The following ARHGEF10 variants were observed in gnomAD, a reference collection of about 807,000 sequenced individuals.
ARHGEF10 encodes Rho guanine nucleotide exchange factor 10.
ARHGEF10 carries 140 observed loss-of-function variants against 147.4 expected under a neutral mutation model. The observed-to-expected ratio is 0.95, with a 90% CI of 0.83 to 1.09. The LOEUF is 1.09. Ranked by LOEUF, ARHGEF10 falls within the 50% of genes least tolerant of loss-of-function variation. The pLI, the probability that ARHGEF10 is intolerant of heterozygous loss-of-function variation, is 0.00. For synonymous variants in ARHGEF10, 902 were observed against 695.8 expected, an observed-to-expected ratio of 1.30 and a Z score of -4.67; for missense variants, 2,222 against 1,752.7, an observed-to-expected ratio of 1.27 and a Z score of -4.78.
chr8:1,923,813 G>A lies in ARHGEF10; in HGVS notation c.2427G>A (p.Thr809=), dbSNP rs533238205. The A allele has an allele frequency of 1.9e-6, 3 of 1,614,014 alleles. No homozygotes were observed. Among genetic ancestry groups the A allele is most frequent in the East Asian group, 2.2e-5 (1 of 44,890 alleles). Residue 809 remains threonine (T), a synonymous_variant, in exon 21 of 29, where the codon ACG becomes ACA. Transcript: ENST00000349830. ...CGTTCTTTACAGCTGTGTTCAATAC[G>A]TTCACCCCTGCCATCAAGGAGTCCT... ...RPTFFTAVFN[T]FTPAIKESWV...
chr8:1,934,899 GA>G lies in ARHGEF10; in HGVS notation c.3222+964del, dbSNP rs369771650. ...CAAATATTTATGGAGGAAAAATTGG[GA>G]AAAAAATTCCTGTATATATGACTAA... On this transcript the variant is annotated intron_variant, in intron 26 of 28. Coordinates refer to ENST00000349830, the MANE Select transcript of ARHGEF10 (RefSeq NM_014629.4). 1.6e-3 allele frequency among the ~76,000 whole-genome samples: 246 copies of G among 151,844 alleles called. 1 individual carries two copies. Among genetic ancestry groups the G allele is most frequent in the African/African-American group, 5.6e-3 (231 of 41,426 alleles).
rs746880011 is a variant in ARHGEF10, at chr8:1,858,026, G to C, written c.104G>C (p.Ser35Thr). The change falls in exon 3 of 29, where the codon AGT becomes ACT. Residue 35 changes from serine (S) to threonine (T), a missense_variant. Coordinates refer to ENST00000349830, the MANE Select transcript of ARHGEF10 (RefSeq NM_014629.4). Reference protein sequence around the residue: ...EEEGEQFDFDSGDEIPEADRQ... With the variant: ...EEEGEQFDFDTGDEIPEADRQ... ...GAGGGAGAACAGTTCGATTTTGACA[G>C]TGGAGATGAAATCCCAGAAGCGGAC... 6.2e-7 allele frequency: 1 copy of C among 1,614,138 alleles called. No homozygotes were observed. Among genetic ancestry groups the C allele is most frequent in the South Asian group, 1.1e-5 (1 of 91,080 alleles).
intron 2 of ARHGEF10, among the ~76,000 whole-genome samples, chr8:1,856,248 A>G (rs547768017): frequency 5.3e-5 from 8 of 152,174 alleles, no homozygotes; most frequent in Non-Finnish European, 8.8e-5. Flanking sequence ...TCTTGATTCA[A>G]TTTTAGTATT....
chr8:1,886,616 A>G lies in ARHGEF10; in HGVS notation c.1182+909A>G, dbSNP rs192438918. Among the ~76,000 whole-genome samples, 86 of 152,356 alleles carry G rather than the reference A, an allele frequency of 5.6e-4. 1 individual carries two copies. The highest frequency in any genetic ancestry group is 1.8e-4 in the Non-Finnish European group (12 of 68,030). Reference sequence around the variant, plus strand: ...TCAGCAGCATCACACGAGTGACGGGATGGAGTGTCAACAGAGCTTGGAGAC... The same window carrying G: ...TCAGCAGCATCACACGAGTGACGGGGTGGAGTGTCAACAGAGCTTGGAGAC... On this transcript the variant is annotated intron_variant, in intron 11 of 28. Coordinates refer to ENST00000349830, the MANE Select transcript of ARHGEF10 (RefSeq NM_014629.4).
rs765093628 is a variant in ARHGEF10, at chr8:1,826,155, T to C, written c.-48+2042T>C. ...TCAGCAGTAAGAAAAGTCATTTGTA[T>C]AAGGTGCTATTTGTAATTCATTAGT... On this transcript the variant is annotated intron_variant, in intron 1 of 28. Coordinates refer to ENST00000349830, the MANE Select transcript of ARHGEF10 (RefSeq NM_014629.4). The C allele has an allele frequency of 6.3e-6, 10 of 1,585,722 alleles. No homozygotes were observed. The East Asian group carries it at 2.2e-4, about 35-fold the overall frequency.
intron 27 of ARHGEF10, among the ~76,000 whole-genome samples, chr8:1,951,776 G>A (rs1015187934): frequency 1.3e-5 from 2 of 152,224 alleles, no homozygotes; most frequent in African/African-American, 2.4e-5. Context: ...TGTGAAGGCC[G>A]CGATGCTGAC....
intron 1 of ARHGEF10, among the ~76,000 whole-genome samples, chr8:1,829,448 C>G (rs922712262): frequency 6.6e-6 from 1 of 152,206 alleles, no homozygotes. Flanking sequence ...CTGACCCTGG[C>G]CAGCCTGCTT....
chr8:1,895,131 A>G (rs1809868215), intron 13 of ARHGEF10, among the ~76,000 whole-genome samples: 1 of 152,216 alleles, frequency 6.6e-6, no homozygotes, highest in South Asian at 2.1e-4. Context: ...ATGATGTTGC[A>G]ACAGCTTGCC....
Position 1,836,195 on chromosome 8 carries a change from G to GAA in ARHGEF10, c.-47-7148_-47-7147dup, listed in dbSNP as rs1367505140. Among the ~76,000 whole-genome samples the GAA allele has an allele frequency of 5.2e-5, 7 of 133,336 alleles. No homozygotes were observed. The East Asian group carries it at 1.1e-3, about 21-fold the overall frequency. 87.5% of individuals were successfully genotyped at this position (133,336 alleles called of 152,430 possible). A position where few individuals can be genotyped will look rare whatever the true frequency, so the allele number is the denominator to read the frequency against. On this transcript the variant is annotated intron_variant, in intron 1 of 28. Coordinates refer to ENST00000349830, the MANE Select transcript of ARHGEF10 (RefSeq NM_014629.4). ...GACTCTGCCATGGAAAAAAAAAAAA[G>GAA]AAAAAAAAAAACACAATCCAAATGC...
intron 26 of ARHGEF10, among the ~76,000 whole-genome samples, chr8:1,945,013 G>T (rs181283713): frequency 6.6e-6 from 1 of 152,370 alleles, no homozygotes; most frequent in East Asian, 1.9e-4. Flanking sequence ...AAGTTGCTTG[G>T]AGAAGCAGAA....
At chr8:1,873,958 C>G (rs1275432673) in intron 7 of ARHGEF10, among the ~76,000 whole-genome samples, 2 of 152,136 alleles carry the variant, frequency 1.3e-5, no homozygotes, top group Non-Finnish European at 2.9e-5. Flanking sequence ...ACTGTACAGC[C>G]AATGCCTCCA....
intron 10 of ARHGEF10, among the ~76,000 whole-genome samples, chr8:1,884,252 TGG>T (rs1808461710): frequency 1.3e-5 from 2 of 151,802 alleles, no homozygotes; most frequent in Non-Finnish European, 2.9e-5. Flanking sequence ...AAAAATTAGC[TGG>T]GCGTGGTGGC....
Position 1,843,254 on chromosome 8 carries a change from C to G in ARHGEF10, c.-47-99C>G, listed in dbSNP as rs1020547262. On this transcript the variant is annotated intron_variant, in intron 1 of 28. Coordinates refer to ENST00000349830, the MANE Select transcript of ARHGEF10 (RefSeq NM_014629.4). Reference sequence around the variant, plus strand: ...AATTATGGCTAGTAATGACAGTTAGCTCTTCCTTTTTGCGGGGTTCTCTGT... The same window carrying G: ...AATTATGGCTAGTAATGACAGTTAGGTCTTCCTTTTTGCGGGGTTCTCTGT... 2.1e-5 allele frequency: 17 copies of G among 828,490 alleles called. No individual in the cohort carries two copies. The African/African-American group carries it at 2.7e-4, about 13-fold the overall frequency. The allele number at this position is 828,490 out of a possible 1,614,324, so 51.3% of individuals were successfully genotyped here.
chr8:1,929,484 T>C, intron 25 of ARHGEF10, 41 bp downstream of exon 25: 2 of 1,574,522 alleles, frequency 1.3e-6, no homozygotes, highest in Non-Finnish European at 1.7e-6. Flanking sequence ...TCCTTGGGGT[T>C]CACTCAGGGG....
intron 18 of ARHGEF10, among the ~76,000 whole-genome samples, chr8:1,918,356 G>T (rs149292723): frequency 3.9e-5 from 6 of 152,052 alleles, no homozygotes; most frequent in African/African-American, 1.2e-4. Flanking sequence ...ACATTTCCAT[G>T]GTCCGTAAGG....
At chr8:1,900,557 A>T (rs894208926) in intron 15 of ARHGEF10, among the ~76,000 whole-genome samples, 1 of 152,218 alleles carries the variant, frequency 6.6e-6, no homozygotes, top group African/African-American at 2.4e-5. Flanking sequence ...CAGATGGAAC[A>T]CTGCAGACGT....
chr8:1,833,166 A>G (rs1470411523), intron 1 of ARHGEF10, among the ~76,000 whole-genome samples: 26 of 149,322 alleles, frequency 1.7e-4, no homozygotes, highest in Non-Finnish European at 3.0e-4. Flanking sequence ...AGAGGCAGAG[A>G]CAGAAGCAGA....
At chr8:1,844,541 C>T (rs1307638719) in intron 2 of ARHGEF10, among the ~76,000 whole-genome samples, 2 of 135,852 alleles carry the variant, frequency 1.5e-5, no homozygotes, top group Non-Finnish European at 3.3e-5. Context: ...TGCCGGGGGT[C>T]TGCGGTGGGG....
chr8:1,832,821 G>GGC (rs1803265531), intron 1 of ARHGEF10, among the ~76,000 whole-genome samples: 1 of 137,654 alleles, frequency 7.3e-6, no homozygotes, highest in Non-Finnish European at 1.6e-5. Flanking sequence ...CAGAGGCAGA[G>GGC]AGAGAGGCAG....
Sources: allele counts gnomAD v4.1 joint callset (sites outside exome capture counted in the v4.1 genomes callset), GRCh38; gene constraint gnomAD v4.1.1; transcripts MANE v1.5; gene names NCBI Gene and HGNC (gene_info 2026-07-23, HGNC 2026-07-21).